Variants in PNKD observed in about 807,000 individuals in gnomAD.
PNKD encodes PNKD metallo-beta-lactamase domain containing, also known as probable thioesterase PNKD.
A neutral mutation model predicts 45.3 loss-of-function variants in PNKD; 36 were observed. The ratio of observed to expected loss-of-function variants is 0.80; its 90% CI spans 0.61 to 1.05. The LOEUF is 1.05. Among genes scored for constraint, PNKD ranks in the 50% least tolerant of loss-of-function variants. PNKD has a pLI of 0.00. For missense variants in PNKD, 511 were observed against 506.6 expected, an observed-to-expected ratio of 1.01 and a Z score of -0.08; for synonymous variants, 197 against 210.1, an observed-to-expected ratio of 0.94 and a Z score of 0.54.
chr2:218,271,582 G>A lies in PNKD; in HGVS notation c.236+33G>A, dbSNP rs141322497. The A allele has an allele frequency of 1.4e-4, 219 of 1,600,812 alleles. 2 individuals are homozygous for A. Among genetic ancestry groups the A allele is most frequent in the African/African-American group, 1.4e-3 (101 of 74,704 alleles). ...TTAACCACCCCTTTGCCCACCAACG[G>A]GGCGTGGCTTGTAGGGGAGGGCAGG... is the stretch of plus-strand genomic sequence containing the variant. On this transcript the variant is annotated intron_variant, in intron 2 of 9. Transcript: ENST00000273077.
intron 2 of PNKD, chr2:218,276,006 A>G (rs1267283495): frequency 6.2e-7 from 1 of 1,607,730 alleles, no homozygotes; most frequent in Admixed American, 1.7e-5. Context: ...TCCCCTTCCT[A>G]GAGTGGGGCT....
At chr2:218,279,354 C>G in intron 2 of PNKD, 1 of 1,572,290 alleles carries the variant, frequency 6.4e-7, no homozygotes, top group Non-Finnish European at 8.6e-7. Flanking sequence ...TGGAGTAAAC[C>G]TGGACACAGA....
At chr2:218,277,474 C>T (rs1422635333) in intron 2 of PNKD, 1 of 1,613,612 alleles carries the variant, frequency 6.2e-7, no homozygotes, top group East Asian at 2.2e-5. Context: ...GCAGGAGTTA[C>T]AGACAAGAGG....
intron 2 of PNKD, among the ~76,000 whole-genome samples, chr2:218,304,335 G>C (rs1392240660): frequency 3.9e-5 from 6 of 152,032 alleles, no homozygotes; most frequent in African/African-American, 1.4e-4. Context: ...GTAGAGACAG[G>C]GTTTCACCAT....
intron 2 of PNKD, among the ~76,000 whole-genome samples, chr2:218,336,467 A>G (rs1694495570): frequency 1.3e-5 from 2 of 152,154 alleles, no homozygotes; most frequent in Non-Finnish European, 2.9e-5. Context: ...AATATTTCTT[A>G]GCTTATACAT....
intron 2 of PNKD, among the ~76,000 whole-genome samples, chr2:218,322,096 A>T (rs1694002231): frequency 6.6e-6 from 1 of 150,968 alleles, no homozygotes; most frequent in African/African-American, 2.4e-5. Context: ...CTAATTTTGT[A>T]TTTTTAGTAA....
intron 2 of PNKD, chr2:218,292,522 C>A (rs1693006467): frequency 6.6e-6 from 1 of 152,096 alleles, no homozygotes; most frequent in Admixed American, 6.5e-5. Flanking sequence ...TCCTCCGGGG[C>A]CGGGCAGGGC....
At chr2:218,316,176 CAG>C (rs1391698867) in intron 2 of PNKD, among the ~76,000 whole-genome samples, 2 of 151,988 alleles carry the variant, frequency 1.3e-5, no homozygotes, top group Non-Finnish European at 2.9e-5. Context: ...CCTTTGGAGA[CAG>C]CCTTTCAGGA....
At chr2:218,328,183 A>T (rs1422508114) in intron 2 of PNKD, among the ~76,000 whole-genome samples, 2 of 152,072 alleles carry the variant, frequency 1.3e-5, no homozygotes, top group East Asian at 3.9e-4. Flanking sequence ...ACGGTGCTTC[A>T]GTCCTAGCTG....
intron 2 of PNKD, among the ~76,000 whole-genome samples, chr2:218,332,762 A>C (rs1447927936): frequency 7.0e-6 from 1 of 142,496 alleles, no homozygotes; most frequent in African/African-American, 2.7e-5. Context: ...CCTTTTCTCC[A>C]CTCAGCAGCC....
rs1574720024 is a variant in PNKD, at chr2:218,341,621, C to T, written c.612C>T (p.Leu204=). 6 of 1,571,526 alleles carry T rather than the reference C, an allele frequency of 3.8e-6. No individual in the cohort carries two copies. The highest frequency in any genetic ancestry group is 5.2e-6 in the Non-Finnish European group (6 of 1,157,304). Residue 204 remains leucine, a synonymous_variant, in exon 6 of 10, where the codon CTC becomes CTT. Transcript: ENST00000273077. Reference sequence around the variant, plus strand: ...GCCCTCAGGACGGCATCCCCTACCTCACCCAGTAAGTCCCTGACCTAGGCA... The same window carrying T: ...GCCCTCAGGACGGCATCCCCTACCTTACCCAGTAAGTCCCTGACCTAGGCA... ...YGSPQDGIPY[L]THPLCHQDVV...
intron 2 of PNKD, among the ~76,000 whole-genome samples, chr2:218,295,551 G>A (rs1693121760): frequency 6.6e-6 from 1 of 152,102 alleles, no homozygotes; most frequent in South Asian, 2.1e-4. Flanking sequence ...TCGGAGGAGG[G>A]GAGAAGGTTC....
intron 2 of PNKD, among the ~76,000 whole-genome samples, chr2:218,293,969 C>T (rs2106246880): frequency 6.6e-6 from 1 of 151,140 alleles, no homozygotes; most frequent in East Asian, 1.9e-4. Context: ...TTAAAAACTG[C>T]CCCCCATACA....
At chr2:218,307,209 G>A (rs1489235652) in intron 2 of PNKD, among the ~76,000 whole-genome samples, 1 of 152,152 alleles carries the variant, frequency 6.6e-6, no homozygotes, top group East Asian at 1.9e-4. Flanking sequence ...CCAGTTTCAT[G>A]GAAGGCAGTT....
chr2:218,341,941 A>G, intron 6 of PNKD, 40 bp from the exon 7 acceptor site: 5 of 1,524,066 alleles, frequency 3.3e-6, no homozygotes, highest in Non-Finnish European at 4.6e-6. Flanking sequence ...AGCATGGCAC[A>G]GATCCAATAC....
At position 218,289,808 on chromosome 2, in the gene PNKD, C is replaced by T. The variant is rs569599930; in HGVS notation, c.236+18259C>T. Among the ~76,000 whole-genome samples, 50 of 152,156 alleles carry T rather than the reference C, an allele frequency of 3.3e-4. 1 individual carries two copies. The South Asian group carries it at 6.4e-3, about 20-fold the overall frequency. ...CATCTTCAGAGGCAGAAGTACATGGCATGTTCTCAGTATGGGGCTGTCCAC... is the reference window on the plus strand; with the variant it reads ...CATCTTCAGAGGCAGAAGTACATGGTATGTTCTCAGTATGGGGCTGTCCAC... On this transcript the variant is annotated intron_variant, in intron 2 of 9. Transcript: ENST00000273077.
At chr2:218,272,498 A>T in intron 2 of PNKD, 1 of 1,412,670 alleles carries the variant, frequency 7.1e-7, no homozygotes, top group Non-Finnish European at 1.0e-6. Context: ...TGAAGCTAGA[A>T]TGACTCCCCC....
intron 6 of PNKD, 161 bp from the exon 7 acceptor site, chr2:218,341,820 G>T: frequency 2.6e-6 from 2 of 770,408 alleles, no homozygotes; most frequent in Non-Finnish European, 4.5e-6. Flanking sequence ...AAAGAGGAAA[G>T]GGGGAGGGTT....
At position 218,341,542 on chromosome 2, in the gene PNKD, G is replaced by C. The variant is rs147885219; in HGVS notation, c.533G>C (p.Ser178Thr). The C allele has an allele frequency of 1.9e-6, 3 of 1,598,990 alleles. No individual in the cohort carries two copies. In the African/African-American group the frequency reaches 4.0e-5, roughly 21 times the overall value. Residue 178 changes from serine to threonine, a missense_variant, in exon 6 of 10, where the codon AGT becomes ACT. Transcript: ENST00000273077. ...ILCTHKHWDHSGGNRDLSRRH... is the reference protein window; with the variant it reads ...ILCTHKHWDHTGGNRDLSRRH... ...TCTCTGCTGTCCTGCAGGGACCACA[G>C]TGGAGGGAACCGTGACCTCAGCCGG... is the stretch of plus-strand genomic sequence containing the variant.
Sources: gnomAD v4.1 joint callset for allele counts (sites outside exome capture counted in the v4.1 genomes callset) on GRCh38, gnomAD v4.1.1 for gene constraint, MANE v1.5 for transcripts, NCBI Gene and HGNC (gene_info 2026-07-23, HGNC 2026-07-21) for gene names.